ARHGAP31: variants seen among roughly 807,000 people sequenced by gnomAD.
ARHGAP31 encodes the protein Rho GTPase activating protein 31.
A neutral mutation model predicts 113.9 loss-of-function variants in ARHGAP31; 34 were observed. That is an observed-to-expected ratio of 0.30 (90% CI 0.23 to 0.40). The LOEUF (loss-of-function observed/expected upper bound fraction) is 0.40. Among genes scored for constraint, ARHGAP31 ranks in the 10% least tolerant of loss-of-function variants. ARHGAP31 has a pLI of 1.00. For missense variants in ARHGAP31, 1,548 were observed against 1,767.1 expected (o/e 0.88, Z 2.22); for synonymous variants, 650 against 684.8 (o/e 0.95, Z 0.79).
chr3:119,314,109 C>T (rs1190943982), intron 1 of ARHGAP31, among the ~76,000 whole-genome samples: 1 of 152,210 alleles, frequency 6.6e-6, no homozygotes, highest in East Asian at 1.9e-4. Context: ...TCCCTGGCCA[C>T]ACTCTACTTC....
chr3:119,295,386 C>G lies in ARHGAP31; in HGVS notation c.100+382C>G, dbSNP rs937109079. On this transcript the variant is annotated intron_variant, in intron 1 of 11. Coordinates refer to ENST00000264245, the MANE Select transcript of ARHGAP31 (RefSeq NM_020754.4). ...TGTGGGATGGTGATCAGTGGTCTTGCCTGGGTACAAAATCATGACCGCCTT... is the reference window on the plus strand; with the variant it reads ...TGTGGGATGGTGATCAGTGGTCTTGGCTGGGTACAAAATCATGACCGCCTT... Among the ~76,000 whole-genome samples, 7 of 150,692 alleles carry G rather than the reference C, an allele frequency of 4.6e-5. No homozygotes were observed. The South Asian group carries it at 8.4e-4, about 18-fold the overall frequency.
intron 1 of ARHGAP31, among the ~76,000 whole-genome samples, chr3:119,338,670 G>A (rs1360542341): frequency 6.6e-6 from 1 of 152,078 alleles, no homozygotes; most frequent in East Asian, 1.9e-4. Flanking sequence ...CTAAAAAATA[G>A]AATTTTATTC....
At chr3:119,407,755 G>A (rs190058556) in intron 10 of ARHGAP31, among the ~76,000 whole-genome samples, 69 of 152,282 alleles carry the variant, frequency 4.5e-4, no homozygotes, top group African/African-American at 1.5e-3. Context: ...ACCACAGGGA[G>A]GACCAGAGCA....
At chr3:119,381,496 G>T (rs1263565299) in intron 4 of ARHGAP31, among the ~76,000 whole-genome samples, 1 of 152,048 alleles carries the variant, frequency 6.6e-6, no homozygotes, top group Non-Finnish European at 1.5e-5. Flanking sequence ...TTTACAAGGG[G>T]GCAGATTTTG....
At chr3:119,396,237 G>A (rs779416465) in intron 8 of ARHGAP31, among the ~76,000 whole-genome samples, 1 of 152,134 alleles carries the variant, frequency 6.6e-6, no homozygotes, top group South Asian at 2.1e-4. Context: ...CCTCAGAATC[G>A]CCCACAGAGT....
chr3:119,311,015 A>G (rs776622919), intron 1 of ARHGAP31, among the ~76,000 whole-genome samples: 15 of 152,208 alleles, frequency 9.9e-5, no homozygotes, highest in Non-Finnish European at 1.8e-4. Context: ...AAAGTGGTCA[A>G]TGAAGAGCAC....
rs757724432 is a variant in ARHGAP31, at chr3:119,390,896, G to A, written c.794G>A (p.Arg265His). The change falls in exon 7 of 12, where the codon CGC becomes CAC. Residue 265 changes from arginine to histidine, a missense_variant. Arg to His is a conservative substitution (Grantham distance 29, BLOSUM62 0). Coordinates refer to ENST00000264245, the MANE Select transcript of ARHGAP31 (RefSeq NM_020754.4). ...AGCCTGGCCACTAACCATCCTGCTC[G>A]CAAGGAAAGGAGGGAGAACAGCCTG... ...ARSLATNHPA[R>H]KERRENSLPE... The A allele has an allele frequency of 5.0e-5, 80 of 1,614,004 alleles. No individual in the cohort carries two copies. Among genetic ancestry groups the A allele is most frequent in the South Asian group, 2.1e-4 (19 of 91,080 alleles).
chr3:119,403,847 T>C (rs2080635987), intron 10 of ARHGAP31, among the ~76,000 whole-genome samples: 1 of 152,146 alleles, frequency 6.6e-6, no homozygotes, highest in Non-Finnish European at 1.5e-5. Context: ...CTTTACTGCT[T>C]TTTGTCAGTT....
chr3:119,394,426 T>C (rs2080530319), intron 8 of ARHGAP31, among the ~76,000 whole-genome samples: 1 of 152,148 alleles, frequency 6.6e-6, no homozygotes. Context: ...TGCATAGAAA[T>C]TGATACAGGA....
In ARHGAP31 at chr3:119,366,142, AAAC is replaced by A. The variant is rs2080250971; in HGVS notation, c.203+727_203+729del. 2.0e-5 allele frequency among the ~76,000 whole-genome samples: 3 copies of A among 151,954 alleles called. No homozygotes were observed. The South Asian group carries it at 6.2e-4, about 32-fold the overall frequency. ...ATATATGTATAATTTTACATAACTTAAACAATAGATTTACATATTTTGCATATT... is the reference window on the plus strand; with the variant it reads ...ATATATGTATAATTTTACATAACTTAAATAGATTTACATATTTTGCATATT... On this transcript the variant is annotated intron_variant, in intron 2 of 11. Transcript: ENST00000264245.
Position 119,402,405 on chromosome 3 carries a change from G to A in ARHGAP31, c.1645+8G>A. On this transcript the variant is annotated splice_region_variant and intron_variant, in intron 10 of 11. Coordinates refer to ENST00000264245, the MANE Select transcript of ARHGAP31 (RefSeq NM_020754.4). ...GAGCTGAGACTTCTGCAGGTAAGTA[G>A]AGGAGAGAGGGTATCTTTCCGTTGC... 1.2e-6 allele frequency: 2 copies of A among 1,611,598 alleles called. No individual in the cohort carries two copies. Among genetic ancestry groups the A allele is most frequent in the South Asian group, 1.1e-5 (1 of 91,002 alleles).
intron 7 of ARHGAP31, among the ~76,000 whole-genome samples, chr3:119,391,350 C>A (rs1159717589): frequency 2.0e-5 from 3 of 151,828 alleles, no homozygotes; most frequent in South Asian, 4.2e-4. Context: ...AAACTTCGAC[C>A]CCCTCCCCGA....
chr3:119,414,772 G>A lies in ARHGAP31; in HGVS notation c.2843G>A (p.Ser948Asn), dbSNP rs754514967. Reference sequence around the variant, plus strand: ...GAGAAGAGGCTTTCCCACAGGCCCAGCCTTCGCCAGAGCCATTCTCTAGAT... The same window carrying A: ...GAGAAGAGGCTTTCCCACAGGCCCAACCTTCGCCAGAGCCATTCTCTAGAT... ...QLEKRLSHRP[S>N]LRQSHSLDSK... The change falls in exon 12 of 12, where the codon AGC (serine) becomes AAC (asparagine). Residue 948 changes from serine (S) to asparagine (N), a missense_variant. Transcript: ENST00000264245. 1.2e-6 allele frequency: 2 copies of A among 1,614,098 alleles called. No individual in the cohort carries two copies. The highest frequency in any genetic ancestry group is 1.7e-6 in the Non-Finnish European group (2 of 1,180,044).
chr3:119,373,434 C>CT (rs11289099), intron 3 of ARHGAP31, among the ~76,000 whole-genome samples: 62 of 147,274 alleles, frequency 4.2e-4, no homozygotes, highest in East Asian at 3.1e-3. Context: ...GTGAGACTGG[C>CT]TTTTTTTTTT....
Position 119,382,986 on chromosome 3 carries a change from T to C in ARHGAP31, c.540-98T>C, listed in dbSNP as rs2080415097. ...AAATATTCTATGAACTGTATCAATT[T>C]AGGAGATGAGCCTTGTGCAAAAGGC... On this transcript the variant is annotated intron_variant, in intron 5 of 11. Coordinates refer to ENST00000264245, the MANE Select transcript of ARHGAP31 (RefSeq NM_020754.4). 3.5e-6 allele frequency: 5 copies of C among 1,414,922 alleles called. No individual in the cohort carries two copies. In the South Asian group the frequency reaches 5.8e-5, roughly 16 times the overall value. The allele number at this position is 1,414,922 out of a possible 1,614,324, so 87.6% of individuals were successfully genotyped here. A position where few individuals can be genotyped will look rare whatever the true frequency, so the allele number is the denominator to read the frequency against.
At chr3:119,323,066 G>A (rs1450280302) in intron 1 of ARHGAP31, among the ~76,000 whole-genome samples, 2 of 152,250 alleles carry the variant, frequency 1.3e-5, no homozygotes, top group African/African-American at 4.8e-5. Context: ...CAGCTCGAAA[G>A]ACGGTGGCGC....
At chr3:119,339,248 T>C (rs781021090) in intron 1 of ARHGAP31, among the ~76,000 whole-genome samples, 1 of 152,164 alleles carries the variant, frequency 6.6e-6, no homozygotes, top group East Asian at 1.9e-4. Context: ...TTTCAGGCAT[T>C]AGCTAATGAC....
At chr3:119,357,773 A>T (rs754670523) in intron 1 of ARHGAP31, among the ~76,000 whole-genome samples, 1 of 152,234 alleles carries the variant, frequency 6.6e-6, no homozygotes, top group Non-Finnish European at 1.5e-5. Context: ...GGTGGTTTCA[A>T]AAATGTTCTG....
intron 1 of ARHGAP31, among the ~76,000 whole-genome samples, chr3:119,330,228 T>C (rs1043351144): frequency 2.0e-5 from 3 of 152,170 alleles, no homozygotes; most frequent in African/African-American, 7.2e-5. Flanking sequence ...CTTTAGTGAA[T>C]CAATTCAGCT....
Sources: gnomAD v4.1 joint callset for allele counts (sites outside exome capture counted in the v4.1 genomes callset) on GRCh38, gnomAD v4.1.1 for gene constraint, MANE v1.5 for transcripts, NCBI Gene and HGNC (gene_info 2026-07-23, HGNC 2026-07-21) for gene names.